BCLAF1: variants seen among roughly 807,000 people sequenced by gnomAD.
BCLAF1 encodes bcl-2-associated transcription factor 1.
Under a neutral mutation model 99.5 loss-of-function variants are expected in BCLAF1, and 10 were observed. The observed-to-expected ratio is 0.10, with a 90% CI of 0.06 to 0.17. BCLAF1 has a LOEUF of 0.17. Among genes scored for constraint, BCLAF1 ranks in the 10% least tolerant of loss-of-function variants. The pLI, the probability that BCLAF1 is intolerant of heterozygous loss-of-function variation, is 1.00. For missense variants in BCLAF1, 636 were observed against 1,105.8 expected (o/e 0.58, Z 6.02); for synonymous variants, 255 against 370.9 (o/e 0.69, Z 3.59).
rs1404729384 is a variant in BCLAF1, at chr6:136,260,225, T to C, written c.*885A>G. On this transcript the variant is annotated 3_prime_UTR_variant, in exon 13 of 13. Transcript: ENST00000531224. ...TAATGTATCAACTTATTCTGCAGGA[T>C]AGACCTCCTACATACCAACCCCAGG... 2.0e-5 allele frequency: 3 copies of C among 152,054 alleles called. No homozygotes were observed. Among genetic ancestry groups the C allele is most frequent in the South Asian group, 2.1e-4 (1 of 4,832 alleles). 9.4% of individuals were successfully genotyped at this position (152,054 alleles called of 1,614,324 possible).
Position 136,267,123 on chromosome 6 carries a change from G to A in BCLAF1, c.2450C>T (p.Thr817Ile). 1 of 1,613,066 alleles carries A rather than the reference G, an allele frequency of 6.2e-7. No homozygotes were observed. Among genetic ancestry groups the A allele is most frequent in the Non-Finnish European group, 8.5e-7 (1 of 1,179,344 alleles). ...RARGVFAGTN[T>I]GPNNSNTTFQ... The stretch of plus-strand genomic sequence containing the variant: ...AGTAGTATTTGAGTTGTTTGGACCA[G>A]TATTTGTCCCAGCAAAAACTCCTCT... The change falls in exon 11 of 13, where the codon ACT becomes ATT. Residue 817 changes from threonine to isoleucine, a missense_variant. Thr to Ile is a moderately conservative substitution (Grantham distance 89). Around this residue, in one of 9 missense-constraint regions of BCLAF1, gnomAD observed 30 missense variants for 22.9 expected, o/e 1.31. Coordinates refer to ENST00000531224, the MANE Select transcript of BCLAF1 (RefSeq NM_014739.3).
intron 2 of BCLAF1, among the ~76,000 whole-genome samples, chr6:136,281,441 T>A (rs1192218238): frequency 6.6e-6 from 1 of 152,198 alleles, no homozygotes; most frequent in Non-Finnish European, 1.5e-5. Flanking sequence ...CACGGGGAAC[T>A]GTGACATTCT....
chr6:136,277,902 C>T lies in BCLAF1; in HGVS notation c.979G>A (p.Asp327Asn), dbSNP rs751330768. 1.9e-6 allele frequency: 3 copies of T among 1,600,690 alleles called. No homozygotes were observed. Among genetic ancestry groups the T allele is most frequent in the African/African-American group, 2.7e-5 (2 of 73,994 alleles). Residue 327 changes from aspartate (D) to asparagine (N), a missense_variant, in exon 4 of 13, where the codon GAT becomes AAT. Asp to Asn is a conservative substitution (Grantham distance 23, BLOSUM62 1). Around this residue, in one of 9 missense-constraint regions of BCLAF1, gnomAD observed 186 missense variants for 275.3 expected, o/e 0.68. Transcript: ENST00000531224. ...GRSSFYPDGG[D>N]QETAKTGKFL... ...TTCCCAGTCTTTGCAGTTTCCTGAT[C>T]TCCACCATCAGGATAAAACGAGGAA...
chr6:136,272,123 T>C (rs746399389), intron 7 of BCLAF1, 44 bp from the exon 8 acceptor site: 2 of 1,415,948 alleles, frequency 1.4e-6, no homozygotes, highest in Admixed American at 2.1e-5. Context: ...TTATTAACTT[T>C]TTGGTTCAAA....
chr6:136,276,660 C>T, intron 4 of BCLAF1, 152 bp from the exon 5 acceptor site: 1 of 923,116 alleles, frequency 1.1e-6, no homozygotes, highest in Middle Eastern at 2.3e-4. Context: ...TTTTAAAAAT[C>T]ATTGAAAGCA....
chr6:136,268,721 G>A (rs1487069063), intron 9 of BCLAF1: 1 of 194,034 alleles, frequency 5.2e-6, no homozygotes, highest in Non-Finnish European at 1.1e-5. Flanking sequence ...TGTACACCCT[G>A]GGTGAAAATA....
At chr6:136,263,151 TAAAC>T (rs757900851) in intron 11 of BCLAF1, among the ~76,000 whole-genome samples, 2 of 152,128 alleles carry the variant, frequency 1.3e-5, no homozygotes, top group South Asian at 4.1e-4. Context: ...ACTTTAGAAA[TAAAC>T]AAACTGAGGC....
At chr6:136,274,301 TAAAAAAA>T (rs5880289) in intron 6 of BCLAF1, 180 of 183,788 alleles carry the variant, frequency 9.8e-4, no homozygotes, top group Non-Finnish European at 1.3e-3. Flanking sequence ...ACAGTTCTTT[TAAAAAAA>T]AAAAAAGAAA....
intron 8 of BCLAF1, among the ~76,000 whole-genome samples, chr6:136,270,724 G>A (rs966265102): frequency 2.6e-5 from 4 of 151,796 alleles, no homozygotes; most frequent in Non-Finnish European, 5.9e-5. Flanking sequence ...CAGACAGGAG[G>A]ATAAAAACCA....
chr6:136,267,194 G>C lies in BCLAF1; in HGVS notation c.2398-19C>G. 6.2e-7 allele frequency: 1 copy of C among 1,609,362 alleles called. No homozygotes were observed. The highest frequency in any genetic ancestry group is 8.5e-7 in the Non-Finnish European group (1 of 1,177,168). On this transcript the variant is annotated intron_variant, in intron 10 of 12. Coordinates refer to ENST00000531224, the MANE Select transcript of BCLAF1 (RefSeq NM_014739.3). ...TTCGAAACTGATTAACATTAACAAA[G>C]TTGTTTAGTGATGCAATCAAAAGGT...
At chr6:136,272,232 T>C (rs1227340145) in intron 7 of BCLAF1, among the ~76,000 whole-genome samples, 153 bp from the exon 8 acceptor site, 1 of 151,856 alleles carries the variant, frequency 6.6e-6, no homozygotes, top group Non-Finnish European at 1.5e-5. Context: ...TAATACACAA[T>C]TAAGAAAAAA....
At chr6:136,286,102 G>GA (rs1266305140) in intron 1 of BCLAF1, among the ~76,000 whole-genome samples, 5 of 151,340 alleles carry the variant, frequency 3.3e-5, no homozygotes, top group East Asian at 1.9e-4. Flanking sequence ...CTCAAAAAAA[G>GA]AAAAAAAATG....
rs1780577051 is a variant in BCLAF1 at position 136,258,223 on chromosome 6, T to C, written c.*2887A>G. Reference sequence around the variant, plus strand: ...ACTTATTTACTAGCTACTATGTTTTTAGAAAGAGAAGTAATCACCATATTA... The same window carrying C: ...ACTTATTTACTAGCTACTATGTTTTCAGAAAGAGAAGTAATCACCATATTA... On this transcript the variant is annotated 3_prime_UTR_variant, in exon 13 of 13. Coordinates refer to ENST00000531224, the MANE Select transcript of BCLAF1 (RefSeq NM_014739.3). 1 of 152,118 alleles carries C rather than the reference T, an allele frequency of 6.6e-6. No homozygotes were observed. 9.4% of individuals were successfully genotyped at this position (152,118 alleles called of 1,614,324 possible). A position where few individuals can be genotyped will look rare whatever the true frequency, so the allele number is the denominator to read the frequency against.
chr6:136,261,505 A>T, intron 11 of BCLAF1, 28 bp from the exon 12 acceptor site: 1 of 1,587,448 alleles, frequency 6.3e-7, no homozygotes, highest in Non-Finnish European at 8.6e-7. Flanking sequence ...ACAATTGTCA[A>T]TGAAATGTTT....
Position 136,261,480 on chromosome 6 carries a change from A to G in BCLAF1, c.2545-3T>C, listed in dbSNP as rs1780995435. 1.9e-6 allele frequency: 3 copies of G among 1,609,982 alleles called. No individual in the cohort carries two copies. The East Asian group carries it at 6.7e-5, about 36-fold the overall frequency. On this transcript the variant is annotated splice_region_variant and splice_polypyrimidine_tract_variant and intron_variant, in intron 11 of 12. Coordinates refer to ENST00000531224, the MANE Select transcript of BCLAF1 (RefSeq NM_014739.3). ...ACACCATCATCTCTGTCGTCATGCT[A>G]CAGAAAGGTTAAAAACAATTGTCAA...
intron 11 of BCLAF1, 109 bp downstream of exon 11, chr6:136,266,920 C>T: frequency 7.4e-7 from 1 of 1,352,362 alleles, no homozygotes; most frequent in Non-Finnish European, 1.0e-6. Context: ...AGGTTTCCCA[C>T]ATAACGGTGA....
intron 9 of BCLAF1, among the ~76,000 whole-genome samples, chr6:136,268,838 A>C (rs1288306164): frequency 2.6e-5 from 4 of 151,928 alleles, no homozygotes; most frequent in African/African-American, 9.7e-5. Flanking sequence ...CCATTTACCT[A>C]ATGAATAGCA....
chr6:136,266,899 T>C, intron 11 of BCLAF1, 130 bp downstream of exon 11: 1 of 1,197,714 alleles, frequency 8.3e-7, no homozygotes, highest in South Asian at 1.6e-5. Flanking sequence ...TCTGGGTAAT[T>C]ATTTTAAAAA....
chr6:136,278,720 G>C lies in BCLAF1; in HGVS notation c.161C>G (p.Ser54Cys), dbSNP rs1175219527. 1 of 1,609,372 alleles carries C rather than the reference G, an allele frequency of 6.2e-7. No individual in the cohort carries two copies. Among genetic ancestry groups the C allele is most frequent in the African/African-American group, 1.3e-5 (1 of 74,788 alleles). Reference protein sequence around the residue: ...SRSRSRDRMYSRDYRRDYRNN... With the variant: ...SRSRSRDRMYCRDYRRDYRNN... The stretch of plus-strand genomic sequence containing the variant: ...TCTGTAATCGCGACGATAATCTCTA[G>C]AATACATACGATCTCTACTACGAGA... The change falls in exon 4 of 13, where the codon TCT (serine) becomes TGT (cysteine). Residue 54 changes from serine (S) to cysteine (C), a missense_variant. Around this residue, in one of 9 missense-constraint regions of BCLAF1, gnomAD observed 81 missense variants for 132.5 expected, o/e 0.61. Transcript: ENST00000531224.
Sources: allele counts gnomAD v4.1 joint callset (sites outside exome capture counted in the v4.1 genomes callset), GRCh38; gene constraint gnomAD v4.1.1; regional missense constraint gnomAD v4.1.1; transcripts MANE v1.5; gene names NCBI Gene and HGNC (gene_info 2026-07-23, HGNC 2026-07-21).